Variants in TRAP1 observed in about 807,000 individuals in gnomAD.
The protein encoded by TRAP1 is heat shock protein 75 kDa, mitochondrial.
A neutral mutation model predicts 89.1 loss-of-function variants in TRAP1; 102 were observed. The observed-to-expected ratio is 1.15, with a 90% CI of 0.98 to 1.35. The LOEUF (loss-of-function observed/expected upper bound fraction) is 1.35. Among genes scored for constraint, TRAP1 ranks in the 40% most tolerant of loss-of-function variants. TRAP1 has a pLI of 0.00. For synonymous variants in TRAP1, 508 were observed against 388.0 expected (o/e 1.31, Z -3.64); for missense variants, 1,256 against 945.3 (o/e 1.33, Z -4.31).
intron 8 of TRAP1, 119 bp from the exon 9 acceptor site, chr16:3,674,613 G>T: frequency 7.8e-7 from 1 of 1,275,966 alleles, no homozygotes. Flanking sequence ...ACAGACGGGC[G>T]GTGGTCTCAG....
intron 5 of TRAP1, among the ~76,000 whole-genome samples, chr16:3,678,707 T>C (rs7203664): frequency 0.69 from 104,693 of 151,990 alleles, 36,409 homozygotes; most frequent in East Asian, 0.96. Context: ...GTGATCCACC[T>C]GCCTCGGCCT....
chr16:3,669,350 G>A (rs544349440), intron 11 of TRAP1, among the ~76,000 whole-genome samples: 1 of 152,208 alleles, frequency 6.6e-6, no homozygotes, highest in Non-Finnish European at 1.5e-5. Context: ...GGTCATGTCG[G>A]CAGCAAGTCG....
In TRAP1 at chr16:3,690,984, T is replaced by C. The variant is rs745722743; in HGVS notation, c.90A>G (p.Gly30=). The change falls in exon 2 of 18, where the codon GGA becomes GGG. Residue 30 remains glycine (G), a splice_region_variant and synonymous_variant. Transcript: ENST00000246957. ...RAPALAAVPG[G]KPILCPRRTT... The stretch of plus-strand genomic sequence containing the variant: ...TCCTCCGAGGACACAGAATTGGTTT[T>C]CCTGAAAAGACAAATATGCAGAAAG... The C allele has an allele frequency of 3.1e-5, 46 of 1,491,554 alleles. 1 individual carries two copies. In the South Asian group the frequency reaches 5.8e-4, roughly 19 times the overall value. The allele number at this position is 1,491,554 out of a possible 1,614,324, so 92.4% of individuals were successfully genotyped here.
intron 13 of TRAP1, chr16:3,663,923 TGTG>T: frequency 2.8e-6 from 1 of 354,052 alleles, no homozygotes; most frequent in Non-Finnish European, 5.2e-6. Flanking sequence ...ATTTGCTGGG[TGTG>T]GTGGTGTGCA....
intron 1 of TRAP1, among the ~76,000 whole-genome samples, chr16:3,702,233 G>C (rs996975877): frequency 6.6e-6 from 1 of 151,698 alleles, no homozygotes. Context: ...ATTCAGTCTA[G>C]GGGCCTCTTA....
chr16:3,710,391 G>A (rs917154908), intron 1 of TRAP1: 4 of 152,210 alleles, frequency 2.6e-5, no homozygotes, highest in Non-Finnish European at 4.4e-5. Flanking sequence ...TCACAATGCA[G>A]TTTTGATGTG....
chr16:3,707,261 C>A (rs1404501240), intron 1 of TRAP1, among the ~76,000 whole-genome samples: 5 of 149,490 alleles, frequency 3.3e-5, no homozygotes, highest in Non-Finnish European at 7.4e-5. Flanking sequence ...TCTCGGCTCA[C>A]TGCAAGCTCC....
At chr16:3,663,296 G>T in intron 14 of TRAP1, 128 bp downstream of exon 14, 2 of 1,275,228 alleles carry the variant, frequency 1.6e-6, no homozygotes, top group Non-Finnish European at 1.1e-6. Flanking sequence ...GCTCCCACAA[G>T]GCTCTTCTCG....
chr16:3,688,617 G>GTCA (rs2051169532), intron 3 of TRAP1, among the ~76,000 whole-genome samples: 2 of 152,086 alleles, frequency 1.3e-5, no homozygotes, highest in South Asian at 4.2e-4. Flanking sequence ...TGAGTAGCTG[G>GTCA]GACCACAGGT....
At chr16:3,680,652 C>T (rs1056043339) in intron 4 of TRAP1, among the ~76,000 whole-genome samples, 3 of 152,260 alleles carry the variant, frequency 2.0e-5, no homozygotes, top group Admixed American at 6.5e-5. Flanking sequence ...AGCTGCTCTG[C>T]TCTGAGTGCC....
intron 3 of TRAP1, 55 bp downstream of exon 3, chr16:3,689,000 C>T: frequency 2.6e-6 from 4 of 1,521,302 alleles, no homozygotes; most frequent in South Asian, 2.4e-5. Context: ...GCATAAAAAC[C>T]AGCTTTGTGA....
At chr16:3,684,158 G>A (rs1319907203) in intron 4 of TRAP1, among the ~76,000 whole-genome samples, 1 of 152,074 alleles carries the variant, frequency 6.6e-6, no homozygotes, top group Non-Finnish European at 1.5e-5. Flanking sequence ...GCAATAAAAT[G>A]AGACTCTGTC....
intron 2 of TRAP1, among the ~76,000 whole-genome samples, chr16:3,690,194 G>C (rs1484901624): frequency 7.2e-5 from 11 of 151,992 alleles, no homozygotes; most frequent in African/African-American, 7.2e-5. Context: ...TTTTTCTGTA[G>C]AGAAAGGGTC....
At chr16:3,714,658 C>CA (rs1367072406) in intron 1 of TRAP1, among the ~76,000 whole-genome samples, 6 of 151,616 alleles carry the variant, frequency 4.0e-5, no homozygotes, top group Non-Finnish European at 8.8e-5. Flanking sequence ...GACTCCGGCT[C>CA]AAAAAAAATC....
chr16:3,662,018 G>T lies in TRAP1; in HGVS notation c.1909C>A (p.Leu637Ile), dbSNP rs923349313. 6.2e-7 allele frequency: 1 copy of T among 1,612,020 alleles called. No homozygotes were observed. Among genetic ancestry groups the T allele is most frequent in the Non-Finnish European group, 8.5e-7 (1 of 1,179,362 alleles). ...LAKTQEERAQLLQPTLEINPR... is the reference protein window; with the variant it reads ...LAKTQEERAQILQPTLEINPR... ...TTGATCTCCAGCGTGGGCTGCAGGAGCTGTGCGCGCTCCTCCTGGGTCTTG... is the reference window on the plus strand; with the variant it reads ...TTGATCTCCAGCGTGGGCTGCAGGATCTGTGCGCGCTCCTCCTGGGTCTTG... The change falls in exon 16 of 18, where the codon CTC (leucine) becomes ATC (isoleucine). Residue 637 changes from leucine to isoleucine, a missense_variant. By Grantham distance (5) the Leu-to-Ile change is conservative. Transcript: ENST00000246957.
chr16:3,667,925 A>ATTTT (rs58782531), intron 11 of TRAP1, among the ~76,000 whole-genome samples: 1 of 65,540 alleles, frequency 1.5e-5, no homozygotes, highest in Non-Finnish European at 2.7e-5. Flanking sequence ...TACCCGGCTG[A>ATTTT]TTTTTTTTTT....
chr16:3,674,908 G>A (rs1218928587), intron 8 of TRAP1: 4 of 326,162 alleles, frequency 1.2e-5, no homozygotes, highest in African/African-American at 4.2e-5. Flanking sequence ...AGAAACGTCT[G>A]GAACAGGCAG....
rs373965495 is a variant in TRAP1 at position 3,674,402 on chromosome 16, G to A, written c.981C>T (p.Tyr327=). Residue 327 remains tyrosine (Y), a synonymous_variant, in exon 9 of 18, where the codon TAC becomes TAT. Transcript: ENST00000246957. ...YVAQAHDKPR[Y]TLHYKTDAPL... is the part of the protein sequence containing the mutation. The stretch of plus-strand genomic sequence containing the variant: ...GTGCGTCCGTCTTATAGTGCAGGGT[G>A]TAGCGGGGCTTGTCGTGAGCCTGCG... The A allele has an allele frequency of 2.0e-5, 33 of 1,614,042 alleles. No individual in the cohort carries two copies. In the African/African-American group the frequency reaches 3.7e-4, roughly 18 times the overall value.
chr16:3,715,266 G>A (rs1352537534), intron 1 of TRAP1, among the ~76,000 whole-genome samples: 3 of 152,080 alleles, frequency 2.0e-5, no homozygotes, highest in Admixed American at 6.6e-5. Context: ...GTGAAACCCC[G>A]TCTCTACTAA....
Sources: gnomAD v4.1 joint callset for allele counts (sites outside exome capture counted in the v4.1 genomes callset) on GRCh38, gnomAD v4.1.1 for gene constraint, MANE v1.5 for transcripts, NCBI Gene and HGNC (gene_info 2026-07-23, HGNC 2026-07-21) for gene names.